The following DLST variants were observed in gnomAD, a reference collection of about 807,000 sequenced individuals.
DLST encodes the protein dihydrolipoyllysine-residue succinyltransferase component of 2-oxoglutarate dehydrogenase complex, mitochondrial.
DLST carries 17 observed loss-of-function variants against 53.1 expected under a neutral mutation model. That is an observed-to-expected ratio of 0.32 (90% confidence interval 0.22 to 0.48). DLST has a LOEUF of 0.48. Ranked by LOEUF, DLST falls within the 20% of genes least tolerant of loss-of-function variation. The pLI is 0.99. For missense variants in DLST, 512 were observed against 583.9 expected, an observed-to-expected ratio of 0.88 and a Z score of 1.27; for synonymous variants, 206 against 204.8, an observed-to-expected ratio of 1.01 and a Z score of -0.05.
chr14:74,894,291 T>C (rs747570321), intron 9 of DLST, 21 bp from the exon 10 acceptor site: 1 of 1,613,596 alleles, frequency 6.2e-7, no homozygotes, highest in Non-Finnish European at 8.5e-7. Flanking sequence ...TTGTCAATGC[T>C]TGTTCCACTC....
At chr14:74,898,295 A>G (rs1371839465) in intron 10 of DLST, 74 bp from the exon 11 acceptor site, 1 of 1,562,714 alleles carries the variant, frequency 6.4e-7, no homozygotes, top group Non-Finnish European at 8.7e-7. Flanking sequence ...CTAATTGTGT[A>G]TATGGATTGA....
rs1884350515 is a variant in DLST at position 74,903,552 on chromosome 14, G to A, written c.*1222G>A. ...TGAGGCTGCTGACGTTTGACACCAG[G>A]GCCAGTAGAGAGTGCCCTTTTGTAT... is the stretch of plus-strand genomic sequence containing the variant. On this transcript the variant is annotated 3_prime_UTR_variant, in exon 15 of 15. Transcript: ENST00000334220. The A allele has an allele frequency of 6.7e-6, 1 of 149,776 alleles. No individual in the cohort carries two copies. The highest frequency in any genetic ancestry group is 1.5e-5 in the Non-Finnish European group (1 of 67,538). The allele number at this position is 149,776 out of a possible 1,614,324, so 9.3% of individuals were successfully genotyped here.
At chr14:74,885,508 A>G in intron 2 of DLST, 78 bp from the exon 3 acceptor site, 1 of 1,423,146 alleles carries the variant, frequency 7.0e-7, no homozygotes, top group East Asian at 2.3e-5. Context: ...GTTGGGGGTG[A>G]GCAGACCTTT....
intron 2 of DLST, among the ~76,000 whole-genome samples, chr14:74,884,698 C>G (rs1883644245): frequency 6.6e-6 from 1 of 152,178 alleles, no homozygotes; most frequent in Non-Finnish European, 1.5e-5. Context: ...ACATACTATG[C>G]TTAGAATTTG....
At chr14:74,894,171 A>AG in intron 9 of DLST, 141 bp from the exon 10 acceptor site, 1 of 942,092 alleles carries the variant, frequency 1.1e-6, no homozygotes, top group Non-Finnish European at 1.5e-6. Flanking sequence ...ACCACAGGAA[A>AG]GGGAAGCCTG....
Position 74,902,760 on chromosome 14 carries a change from A to G in DLST, c.*430A>G, listed in dbSNP as rs1884305061. On this transcript the variant is annotated 3_prime_UTR_variant, in exon 15 of 15. Coordinates refer to ENST00000334220, the MANE Select transcript of DLST (RefSeq NM_001933.5). ...AGGATGCTGTGCCTCCCAAGCTCAGAGCAGCCTCTGTCCTGGCTGTGCACA... is the reference window on the plus strand; with the variant it reads ...AGGATGCTGTGCCTCCCAAGCTCAGGGCAGCCTCTGTCCTGGCTGTGCACA... 6.5e-6 allele frequency: 1 copy of G among 154,156 alleles called. No homozygotes were observed. Among genetic ancestry groups the G allele is most frequent in the Non-Finnish European group, 1.4e-5 (1 of 69,114 alleles). 9.5% of individuals were successfully genotyped at this position (154,156 alleles called of 1,614,324 possible).
chr14:74,885,616 C>A lies in DLST; in HGVS notation c.128C>A (p.Pro43His). 1 of 1,613,660 alleles carries A rather than the reference C, an allele frequency of 6.2e-7. No homozygotes were observed. Among genetic ancestry groups the A allele is most frequent in the Non-Finnish European group, 8.5e-7 (1 of 1,179,764 alleles). Residue 43 changes from proline (P) to histidine (H), a missense_variant, in exon 3 of 15, where the codon CCT (proline) becomes CAT (histidine). Coordinates refer to ENST00000334220, the MANE Select transcript of DLST (RefSeq NM_001933.5). ...GVSLCQGPGY[P>H]NSRKVVINNS... Reference sequence around the variant, plus strand: ...TCCTTATGCCAGGGACCAGGTTACCCTAACAGCAGGAAGGTTGTGTAAGTA... The same window carrying A: ...TCCTTATGCCAGGGACCAGGTTACCATAACAGCAGGAAGGTTGTGTAAGTA...
rs374052396 is a variant in DLST, at chr14:74,894,267, C to T, written c.673-45C>T. Reference sequence around the variant, plus strand: ...TCTGACTACACGGGGAATGCTTGACCCAGAGAGATCAGATTGTCAATGCTT... The same window carrying T: ...TCTGACTACACGGGGAATGCTTGACTCAGAGAGATCAGATTGTCAATGCTT... On this transcript the variant is annotated intron_variant, in intron 9 of 14. Transcript: ENST00000334220. 3.5e-5 allele frequency: 56 copies of T among 1,608,022 alleles called. No homozygotes were observed. The African/African-American group carries it at 6.8e-4, about 20-fold the overall frequency.
chr14:74,885,716 T>C, intron 3 of DLST, 82 bp downstream of exon 3: 1 of 1,327,416 alleles, frequency 7.5e-7, no homozygotes, highest in Non-Finnish European at 1.0e-6. Context: ...ACCATCTGAT[T>C]TCTTCACTGG....
chr14:74,882,651 A>C, intron 2 of DLST, 27 bp downstream of exon 2: 2 of 1,612,518 alleles, frequency 1.2e-6, no homozygotes, highest in Non-Finnish European at 1.7e-6. Context: ...CCGTCACCTA[A>C]AATGCTCTCC....
chr14:74,889,841 G>A, intron 5 of DLST, 56 bp from the exon 6 acceptor site: 1 of 1,588,284 alleles, frequency 6.3e-7, no homozygotes, highest in Middle Eastern at 1.7e-4. Context: ...GGGTTTTGTG[G>A]CTACTGGAGG....
rs373100800 is a variant in DLST, at chr14:74,892,929, A to T, written c.538A>T (p.Ile180Leu). 24 of 1,614,052 alleles carry T rather than the reference A, an allele frequency of 1.5e-5. No individual in the cohort carries two copies. Among genetic ancestry groups the T allele is most frequent in the Non-Finnish European group, 1.6e-5 (19 of 1,179,998 alleles). ...AAAVPPPAAPIPTQMPPVPSP... is the reference protein window; with the variant it reads ...AAAVPPPAAPLPTQMPPVPSP... ...GGCAGTTCCTCCCCCTGCAGCACCC[A>T]TACCCACTCAGATGCCACCGGTGCC... Residue 180 changes from isoleucine to leucine, a missense_variant, in exon 8 of 15, where the codon ATA (isoleucine) becomes TTA (leucine). Physicochemically the swap from Ile to Leu is conservative, Grantham distance 5. Coordinates refer to ENST00000334220, the MANE Select transcript of DLST (RefSeq NM_001933.5).
intron 2 of DLST, among the ~76,000 whole-genome samples, chr14:74,883,365 A>T (rs1883597953): frequency 6.6e-6 from 1 of 152,156 alleles, no homozygotes. Context: ...CCCAGGAGAA[A>T]GAGAATGGCA....
chr14:74,887,770 T>A (rs1262973709), intron 3 of DLST, among the ~76,000 whole-genome samples: 2 of 152,272 alleles, frequency 1.3e-5, no homozygotes, highest in Admixed American at 6.5e-5. Flanking sequence ...AGGCATGTAC[T>A]TTACAAGGTT....
At chr14:74,888,187 C>T (rs1883772200) in intron 3 of DLST, among the ~76,000 whole-genome samples, 1 of 151,916 alleles carries the variant, frequency 6.6e-6, no homozygotes, top group Admixed American at 6.6e-5. Context: ...TTGAATGAAT[C>T]CAGAATGTGT....
chr14:74,890,039 G>C (rs1290724758), intron 6 of DLST, 87 bp downstream of exon 6: 2 of 1,124,430 alleles, frequency 1.8e-6, no homozygotes, highest in Non-Finnish European at 2.5e-6. Flanking sequence ...CCATTGTTTA[G>C]AGATAATTTT....
chr14:74,885,787 T>C lies in DLST; in HGVS notation c.146+153T>C. ...TCCCTAGACTAACCTCAATGTTCAC[T>C]TTTCCCATGTGATGTTCCTTGAGCA... On this transcript the variant is annotated intron_variant, in intron 3 of 14. Transcript: ENST00000334220. 4 of 679,754 alleles carry C rather than the reference T, an allele frequency of 5.9e-6. No individual in the cohort carries two copies. The South Asian group carries it at 8.0e-5, about 14-fold the overall frequency. The allele number at this position is 679,754 out of a possible 1,614,324, so 42.1% of individuals were successfully genotyped here. A position where few individuals can be genotyped will look rare whatever the true frequency, so the allele number is the denominator to read the frequency against.
chr14:74,882,132 G>T (rs1479556215), intron 1 of DLST, 116 bp downstream of exon 1: 1 of 981,478 alleles, frequency 1.0e-6, no homozygotes, highest in East Asian at 3.4e-5. Context: ...AGGGCACTGG[G>T]ACGCGGAGGC....
intron 7 of DLST, 97 bp downstream of exon 7, chr14:74,891,264 T>C: frequency 1.3e-6 from 2 of 1,563,604 alleles, no homozygotes; most frequent in Non-Finnish European, 1.7e-6. Flanking sequence ...CAAAGACTCT[T>C]GTCATTCCAG....
Sources: allele counts gnomAD v4.1 joint callset (sites outside exome capture counted in the v4.1 genomes callset), GRCh38; gene constraint gnomAD v4.1.1; transcripts MANE v1.5; gene names NCBI Gene and HGNC (gene_info 2026-07-23, HGNC 2026-07-21).